The following PLXNA4 variants were observed in gnomAD, a reference collection of about 807,000 sequenced individuals.
The protein encoded by PLXNA4 is plexin A4, also known as plexin-A4.
PLXNA4 carries 44 observed loss-of-function variants against 191.8 expected under a neutral mutation model. The observed-to-expected ratio is 0.23, with a 90% CI of 0.18 to 0.29. PLXNA4 has a LOEUF of 0.29. Among genes scored for constraint, PLXNA4 ranks in the 10% least tolerant of loss-of-function variants. The pLI is 1.00. For missense variants in PLXNA4, 1,800 were observed against 2,488.8 expected, an observed-to-expected ratio of 0.72 and a Z score of 5.89; for synonymous variants, 1,082 against 1,009.5, an observed-to-expected ratio of 1.07 and a Z score of -1.36.
At chr7:132,151,770 G>A (rs1324130854) in intron 25 of PLXNA4, among the ~76,000 whole-genome samples, 2 of 152,140 alleles carry the variant, frequency 1.3e-5, no homozygotes, top group African/African-American at 2.4e-5. Context: ...AGGCTTTCAG[G>A]AAAGAAGCAA....
chr7:132,217,879 G>A (rs1468949712), intron 9 of PLXNA4, among the ~76,000 whole-genome samples: 1 of 125,782 alleles, frequency 8.0e-6, no homozygotes, highest in Admixed American at 8.1e-5. Context: ...TGGGGAGCGT[G>A]TTCTGTAGCT....
At chr7:132,421,044 T>A (rs987430159) in intron 3 of PLXNA4, among the ~76,000 whole-genome samples, 4 of 152,212 alleles carry the variant, frequency 2.6e-5, no homozygotes, top group African/African-American at 9.6e-5. Context: ...TCTTCAGAAC[T>A]TTTTCATCTT....
Position 132,400,525 on chromosome 7 carries a change from T to C in PLXNA4, c.1371+88767A>G, listed in dbSNP as rs115599977. On this transcript the variant is annotated intron_variant, in intron 3 of 31. Coordinates refer to ENST00000321063, the MANE Select transcript of PLXNA4 (RefSeq NM_020911.2). The stretch of plus-strand genomic sequence containing the variant: ...TATTCAGCAGACAAAATCTGTGACA[T>C]AATGTACCCCAGCCTCAGACACGCT... 9.3e-3 allele frequency among the ~76,000 whole-genome samples: 1,420 copies of C among 152,266 alleles called. 22 individuals are homozygous for C. The highest frequency in any genetic ancestry group is 0.033 in the African/African-American group (1,376 of 41,550).
chr7:132,136,411 T>A (rs1244772882), intron 30 of PLXNA4, among the ~76,000 whole-genome samples: 2 of 152,214 alleles, frequency 1.3e-5, no homozygotes, highest in Non-Finnish European at 2.9e-5. Flanking sequence ...CAGGAAGTCC[T>A]TCAGGACCCC....
intron 21 of PLXNA4, among the ~76,000 whole-genome samples, chr7:132,169,049 G>A (rs567949996): frequency 1.8e-4 from 27 of 152,262 alleles, no homozygotes; most frequent in African/African-American, 5.3e-4. Context: ...CAGTGGCCTC[G>A]GAGTCAGGAC....
chr7:132,279,327 A>G (rs1162788127), intron 4 of PLXNA4, among the ~76,000 whole-genome samples: 1 of 152,130 alleles, frequency 6.6e-6, no homozygotes, highest in Non-Finnish European at 1.5e-5. Flanking sequence ...CAGGTTGGAA[A>G]GCATTGATCT....
intron 3 of PLXNA4, chr7:132,384,625 T>G: frequency 1.0e-6 from 1 of 990,356 alleles, no homozygotes; most frequent in Non-Finnish European, 1.2e-6. Flanking sequence ...CTTCCTTTTC[T>G]CTTTCCCGCA....
chr7:132,501,144 G>C (rs150930045), intron 2 of PLXNA4, among the ~76,000 whole-genome samples: 51 of 152,328 alleles, frequency 3.3e-4, no homozygotes, highest in African/African-American at 1.2e-3. Flanking sequence ...GCTGAGCAGA[G>C]TGTGTGGGGG....
chr7:132,516,431 T>C (rs973222983), intron 1 of PLXNA4, among the ~76,000 whole-genome samples: 6 of 152,152 alleles, frequency 3.9e-5, no homozygotes, highest in Non-Finnish European at 4.4e-5. Context: ...AGAACCACCA[T>C]CCTATGCAGC....
At chr7:132,273,845 C>T (rs561263163) in intron 4 of PLXNA4, among the ~76,000 whole-genome samples, 2 of 152,274 alleles carry the variant, frequency 1.3e-5, no homozygotes, top group South Asian at 4.2e-4. Flanking sequence ...GTCCAGAAGT[C>T]TCACTTGAGG....
intron 25 of PLXNA4, among the ~76,000 whole-genome samples, chr7:132,152,971 T>G (rs992733285): frequency 6.6e-6 from 1 of 152,158 alleles, no homozygotes; most frequent in Non-Finnish European, 1.5e-5. Context: ...GTGCCCCCAG[T>G]GTGCTGGGCA....
At chr7:132,179,952 G>A (rs761611343) in intron 19 of PLXNA4, 31 bp from the exon 20 acceptor site, 1 of 1,576,574 alleles carries the variant, frequency 6.3e-7, no homozygotes, top group South Asian at 1.1e-5. Context: ...AGGGAGCTGG[G>A]TGTGGGGACG....
chr7:132,386,569 G>A (rs1228343524), intron 3 of PLXNA4, among the ~76,000 whole-genome samples: 1 of 152,212 alleles, frequency 6.6e-6, no homozygotes, highest in Non-Finnish European at 1.5e-5. Flanking sequence ...AGGCTGCCCA[G>A]GCTTGGGGTG....
chr7:132,257,724 T>G (rs1799481683), intron 4 of PLXNA4, among the ~76,000 whole-genome samples: 1 of 152,198 alleles, frequency 6.6e-6, no homozygotes, highest in Non-Finnish European at 1.5e-5. Flanking sequence ...AGTGGGCCAT[T>G]AGTTCTGACA....
intron 1 of PLXNA4, among the ~76,000 whole-genome samples, chr7:132,543,306 T>G (rs1204245517): frequency 6.6e-6 from 1 of 152,240 alleles, no homozygotes; most frequent in Non-Finnish European, 1.5e-5. Context: ...TAATAGGCCC[T>G]GGACTCCAGC....
In PLXNA4 at chr7:132,606,835, T is replaced by A. The variant is rs1056450887; in HGVS notation, c.-87+39093A>T. On this transcript the variant is annotated intron_variant, in intron 2 of 4. Transcript: ENST00000378539. ...CATCAGAAAGCAGCTCGAGCTCTCA[T>A]ATATTTAGAATTCTCTGCCTTCAAC... 3.9e-5 allele frequency among the ~76,000 whole-genome samples: 6 copies of A among 152,166 alleles called. No individual in the cohort carries two copies. The South Asian group carries it at 1.2e-3, about 32-fold the overall frequency.
intron 1 of PLXNA4, among the ~76,000 whole-genome samples, chr7:132,562,966 TCCTCTC>T: frequency 9.9e-6 from 1 of 101,414 alleles, no homozygotes; most frequent in Non-Finnish European, 2.0e-5. Context: ...TCCCTCCTCC[TCCTCTC>T]CCTCCTCCTC....
intron 1 of PLXNA4, among the ~76,000 whole-genome samples, chr7:132,573,935 A>G (rs143217202): frequency 1.4e-4 from 21 of 152,292 alleles, no homozygotes; most frequent in Non-Finnish European, 2.5e-4. Context: ...CAGAGAACTT[A>G]AAAGGAAGGG....
Position 132,562,169 on chromosome 7 carries a change from CCT to C in PLXNA4, c.-87+14251_-87+14252del, listed in dbSNP as rs1491488176. On this transcript the variant is annotated intron_variant, in intron 1 of 31. Coordinates refer to ENST00000321063, the MANE Select transcript of PLXNA4 (RefSeq NM_020911.2). ...CTCCTCCTTCTCTCCTTCTCCTCCT[CCT>C]CTTTCTCCTCCTCCTCCTTCTCCTC... Among the ~76,000 whole-genome samples, 9 of 127,038 alleles carry C rather than the reference CCT, an allele frequency of 7.1e-5. 1 individual carries two copies. The highest frequency in any genetic ancestry group is 1.3e-4 in the African/African-American group (4 of 30,582). 83.3% of individuals were successfully genotyped at this position (127,038 alleles called of 152,430 possible). A position where few individuals can be genotyped will look rare whatever the true frequency, so the allele number is the denominator to read the frequency against.
Sources: gnomAD v4.1 joint callset for allele counts (sites outside exome capture counted in the v4.1 genomes callset) on GRCh38, gnomAD v4.1.1 for gene constraint, MANE v1.5 for transcripts, NCBI Gene and HGNC (gene_info 2026-07-23, HGNC 2026-07-21) for gene names.